The following KHDRBS2 variants were observed in gnomAD, a reference collection of about 807,000 sequenced individuals.
KHDRBS2 encodes the protein KH domain-containing, RNA-binding, signal transduction-associated protein 2.
A neutral mutation model predicts 44.3 loss-of-function variants in KHDRBS2; 26 were observed. The observed-to-expected ratio is 0.59, with a 90% confidence interval of 0.43 to 0.81. The LOEUF is 0.81. Ranked by LOEUF, KHDRBS2 falls within the 40% of genes least tolerant of loss-of-function variation. The pLI is 0.00. For synonymous variants in KHDRBS2, 194 were observed against 151.1 expected, an observed-to-expected ratio of 1.28 and a Z score of -2.08; for missense variants, 476 against 433.1, an observed-to-expected ratio of 1.10 and a Z score of -0.88.
rs565763920 is a variant in KHDRBS2 at position 61,764,729 on chromosome 6, GT to G, written c.811-31966del. ...TGCACACTTTTCAATAGAGTTGTTTGTTTTTTTTCTTGTAAATTTGTTTAAG... is the reference window on the plus strand; with the variant it reads ...TGCACACTTTTCAATAGAGTTGTTTGTTTTTTTCTTGTAAATTTGTTTAAG... On this transcript the variant is annotated intron_variant, in intron 6 of 8. Transcript: ENST00000281156. Among the ~76,000 whole-genome samples the G allele has an allele frequency of 2.8e-4, 43 of 151,168 alleles. 1 individual carries two copies. Among genetic ancestry groups the G allele is most frequent in the Admixed American group, 1.9e-3 (29 of 15,118 alleles).
At chr6:61,790,468 T>A (rs750536575) in intron 6 of KHDRBS2, among the ~76,000 whole-genome samples, 1 of 151,134 alleles carries the variant, frequency 6.6e-6, no homozygotes, top group African/African-American at 2.4e-5. Context: ...GAATAATTCT[T>A]TAATGGCAAT....
chr6:62,058,640 T>A, intron 2 of KHDRBS2, among the ~76,000 whole-genome samples: 1 of 151,868 alleles, frequency 6.6e-6, no homozygotes, highest in Non-Finnish European at 1.5e-5. Context: ...ATAGTACCAA[T>A]CATCAAAAAA....
At chr6:61,932,518 A>C (rs1398314724) in intron 4 of KHDRBS2, among the ~76,000 whole-genome samples, 4 of 152,158 alleles carry the variant, frequency 2.6e-5, no homozygotes, top group African/African-American at 9.7e-5. Context: ...GAAGTCATAC[A>C]GGCCGGGCAC....
At chr6:61,945,112 A>ATATAT (rs1491476068) in intron 4 of KHDRBS2, among the ~76,000 whole-genome samples, 1 of 48,416 alleles carries the variant, frequency 2.1e-5, no homozygotes, top group Non-Finnish European at 3.6e-5. Flanking sequence ...AAAAAAAAAA[A>ATATAT]GTATATATAT....
At chr6:61,919,960 A>G (rs1180672793) in intron 4 of KHDRBS2, among the ~76,000 whole-genome samples, 3 of 151,938 alleles carry the variant, frequency 2.0e-5, no homozygotes, top group African/African-American at 7.2e-5. Context: ...TGGTTTGAGA[A>G]AATCTATTTT....
intron 2 of KHDRBS2, among the ~76,000 whole-genome samples, chr6:62,168,051 G>A (rs1819072514): frequency 6.6e-6 from 1 of 152,124 alleles, no homozygotes; most frequent in South Asian, 2.1e-4. Context: ...AGCACAGAAG[G>A]CTGCCCCTTT....
At chr6:61,647,304 C>A in the KHDRBS2 span, among the ~76,000 whole-genome samples, 1 of 152,108 alleles carries the variant, frequency 6.6e-6, no homozygotes, top group East Asian at 1.9e-4. Flanking sequence ...GGTTTTCATA[C>A]TTAGGTTTAT....
intron 1 of KHDRBS2, among the ~76,000 whole-genome samples, chr6:62,207,845 C>T (rs530034311): frequency 2.0e-5 from 3 of 152,180 alleles, no homozygotes; most frequent in Admixed American, 6.6e-5. Context: ...GATACTAAGA[C>T]GGTTCCTATA....
At chr6:62,152,032 C>A (rs1366317723) in intron 2 of KHDRBS2, among the ~76,000 whole-genome samples, 2 of 152,056 alleles carry the variant, frequency 1.3e-5, no homozygotes, top group African/African-American at 4.8e-5. Flanking sequence ...AATAATAGTG[C>A]TTACTGGCTG....
At chr6:62,262,496 T>A (rs1167222615) in intron 1 of KHDRBS2, among the ~76,000 whole-genome samples, 1 of 151,800 alleles carries the variant, frequency 6.6e-6, no homozygotes, top group Non-Finnish European at 1.5e-5. Flanking sequence ...CAAATACTCA[T>A]ATTAATCCAT....
At chr6:62,096,031 G>C (rs1800525339) in intron 2 of KHDRBS2, among the ~76,000 whole-genome samples, 1 of 151,808 alleles carries the variant, frequency 6.6e-6, no homozygotes, top group Non-Finnish European at 1.5e-5. Flanking sequence ...TTATTGATTT[G>C]CGTATATTGA....
At chr6:62,157,183 G>A (rs150565390) in intron 2 of KHDRBS2, among the ~76,000 whole-genome samples, 4 of 151,248 alleles carry the variant, frequency 2.6e-5, no homozygotes, top group Non-Finnish European at 5.9e-5. Flanking sequence ...GTGAAACCCC[G>A]TCTCTACTAA....
intron 2 of KHDRBS2, among the ~76,000 whole-genome samples, chr6:62,051,346 T>A (rs568581471): frequency 1.3e-5 from 2 of 152,190 alleles, no homozygotes; most frequent in East Asian, 3.9e-4. Flanking sequence ...GTTTTTACAT[T>A]TAGGTCTCAT....
chr6:61,662,842 T>G, the KHDRBS2 span, among the ~76,000 whole-genome samples: 28 of 151,578 alleles, frequency 1.8e-4, 1 homozygote, highest in African/African-American at 6.0e-4. Flanking sequence ...GTCAGTGTGG[T>G]GATTCCTCAG....
chr6:61,895,676 A>T (rs553760168), intron 5 of KHDRBS2, among the ~76,000 whole-genome samples: 1 of 152,278 alleles, frequency 6.6e-6, no homozygotes, highest in South Asian at 2.1e-4. Flanking sequence ...GTTTGTCTGA[A>T]GTCTTTGGGC....
chr6:61,635,404 C>CA, the KHDRBS2 span, among the ~76,000 whole-genome samples: 69 of 152,002 alleles, frequency 4.5e-4, no homozygotes, highest in African/African-American at 1.4e-3. Flanking sequence ...GTAATGTCTG[C>CA]AAATGAAAGG....
chr6:61,689,731 T>G (rs1465897104), intron 8 of KHDRBS2, among the ~76,000 whole-genome samples: 1 of 151,972 alleles, frequency 6.6e-6, no homozygotes, highest in Non-Finnish European at 1.5e-5. Context: ...CTAACTATTT[T>G]AGTTGTTGTC....
At chr6:61,696,138 C>T (rs1348229762) in intron 8 of KHDRBS2, among the ~76,000 whole-genome samples, 1 of 151,710 alleles carries the variant, frequency 6.6e-6, no homozygotes, top group Non-Finnish European at 1.5e-5. Context: ...TGCACCAATG[C>T]CAAGCAGCCT....
rs150797753 is a variant in KHDRBS2, at chr6:62,086,843, C to G, written c.220-38849G>C. Among the ~76,000 whole-genome samples, 311 of 151,854 alleles carry G rather than the reference C, an allele frequency of 2.0e-3. 1 individual carries two copies. The highest frequency in any genetic ancestry group is 7.7e-3 in the South Asian group (37 of 4,816). On this transcript the variant is annotated intron_variant, in intron 2 of 8. Transcript: ENST00000281156. The stretch of plus-strand genomic sequence containing the variant: ...TAAGTTCTAAAGAGCAATGCAGCCA[C>G]TATACCCTCTCCAAATTGACAGGCA...
Sources: allele counts gnomAD v4.1 joint callset (sites outside exome capture counted in the v4.1 genomes callset), GRCh38; gene constraint gnomAD v4.1.1; transcripts MANE v1.5; gene names NCBI Gene and HGNC (gene_info 2026-07-23, HGNC 2026-07-21).